Variants in WDR59 observed in about 807,000 individuals in gnomAD.
WDR59 encodes the protein GATOR2 complex protein WDR59.
A neutral mutation model predicts 131.2 loss-of-function variants in WDR59; 100 were observed. The ratio of observed to expected loss-of-function variants is 0.76; its 90% CI spans 0.65 to 0.90. The LOEUF is 0.90. Among genes scored for constraint, WDR59 ranks in the 40% least tolerant of loss-of-function variants. The probability of loss-of-function intolerance (pLI) is 0.00; values close to 1 mark genes in which losing one functional copy is unlikely to be tolerated. For missense variants in WDR59, 1,203 were observed against 1,262.2 expected, an observed-to-expected ratio of 0.95 and a Z score of 0.71; for synonymous variants, 601 against 466.2, an observed-to-expected ratio of 1.29 and a Z score of -3.72.
intron 8 of WDR59, among the ~76,000 whole-genome samples, chr16:74,924,428 C>A (rs1261782697): frequency 6.6e-6 from 1 of 152,092 alleles, no homozygotes; most frequent in Non-Finnish European, 1.5e-5. Flanking sequence ...TTTGTAACAA[C>A]CATATATGTT....
In WDR59 at chr16:74,904,117, T is replaced by C. The variant is rs1965689650; in HGVS notation, c.1713-17A>G. 1.2e-6 allele frequency: 2 copies of C among 1,608,246 alleles called. No homozygotes were observed. Among genetic ancestry groups the C allele is most frequent in the Non-Finnish European group, 1.7e-6 (2 of 1,177,188 alleles). On this transcript the variant is annotated splice_polypyrimidine_tract_variant and intron_variant, in intron 17 of 25. Coordinates refer to ENST00000262144, the MANE Select transcript of WDR59 (RefSeq NM_030581.4). ...GAGAGAGATCTGTAGTTGAAAATGA[T>C]AATTATCCACACTGGCTGCAGTCCT...
chr16:74,922,461 T>A (rs554728611), intron 9 of WDR59, among the ~76,000 whole-genome samples: 2 of 152,212 alleles, frequency 1.3e-5, no homozygotes, highest in Admixed American at 6.5e-5. Context: ...TTTCCCAGAA[T>A]GAGCATGCAG....
intron 11 of WDR59, among the ~76,000 whole-genome samples, chr16:74,917,681 C>T (rs977759184): frequency 3.3e-5 from 5 of 151,644 alleles, no homozygotes; most frequent in Middle Eastern, 3.4e-3. Flanking sequence ...TGTTGGTGGG[C>T]GCCTATAATC....
intron 14 of WDR59, among the ~76,000 whole-genome samples, chr16:74,911,822 G>A (rs1966108054): frequency 6.6e-6 from 1 of 152,140 alleles, no homozygotes. Context: ...AAATGAAATT[G>A]GATTGCAAAT....
intron 22 of WDR59, 47 bp downstream of exon 22, chr16:74,888,117 CAAAAA>C (rs35324656): frequency 9.1e-4 from 1,119 of 1,231,586 alleles, no homozygotes; most frequent in Admixed American, 2.7e-3. Flanking sequence ...AACTCCGTCT[CAAAAA>C]AAAAAAAAAA....
intron 7 of WDR59, among the ~76,000 whole-genome samples, chr16:74,942,487 G>A (rs1179042389): frequency 1.3e-5 from 2 of 152,136 alleles, no homozygotes; most frequent in African/African-American, 2.4e-5. Context: ...CTTACCTGGT[G>A]TCATAATTAG....
chr16:74,882,149 TAGC>T (rs1349426538), intron 25 of WDR59, among the ~76,000 whole-genome samples: 1 of 152,204 alleles, frequency 6.6e-6, no homozygotes, highest in Non-Finnish European at 1.5e-5. Flanking sequence ...CACTTTATAA[TAGC>T]AGATGTCAAT....
At chr16:74,876,956 G>A (rs1964244921) in intron 25 of WDR59, among the ~76,000 whole-genome samples, 1 of 152,022 alleles carries the variant, frequency 6.6e-6, no homozygotes, top group South Asian at 2.1e-4. Context: ...GGTCGCTAAT[G>A]GTTCCAGGTT....
chr16:74,911,952 G>C, intron 14 of WDR59: 11 of 548,898 alleles, frequency 2.0e-5, no homozygotes, highest in Non-Finnish European at 3.2e-5. Flanking sequence ...ATTTTTCTGA[G>C]GAAGGGTCCA....
At chr16:74,916,353 C>A (rs1966385727) in intron 11 of WDR59, 94 bp from the exon 12 acceptor site, 2 of 1,514,758 alleles carry the variant, frequency 1.3e-6, no homozygotes, top group Non-Finnish European at 1.8e-6. Flanking sequence ...ATGGGAAGGG[C>A]AAAGGATGGG....
intron 25 of WDR59, among the ~76,000 whole-genome samples, chr16:74,877,120 A>C (rs1029298690): frequency 2.6e-5 from 4 of 152,162 alleles, no homozygotes; most frequent in Admixed American, 2.6e-4. Context: ...GAAATGTTCC[A>C]GTTTTATTAA....
chr16:74,891,389 A>G (rs932783572), intron 20 of WDR59, among the ~76,000 whole-genome samples: 20 of 152,326 alleles, frequency 1.3e-4, no homozygotes, highest in East Asian at 9.6e-4. Flanking sequence ...TATTGTCGAA[A>G]AGGAGAAACT....
intron 20 of WDR59, among the ~76,000 whole-genome samples, chr16:74,890,238 C>T (rs1964972208): frequency 6.6e-6 from 1 of 152,202 alleles, no homozygotes; most frequent in South Asian, 2.1e-4. Context: ...GCCACCTCTG[C>T]CTCCTGGGTT....
intron 2 of WDR59, among the ~76,000 whole-genome samples, chr16:74,963,791 C>T (rs2033657827): frequency 6.6e-6 from 1 of 151,812 alleles, no homozygotes; most frequent in African/African-American, 2.4e-5. Context: ...TTCAAGAGGC[C>T]AAGGCAGAGG....
At position 74,923,687 on chromosome 16, in the gene WDR59, A is replaced by G. The variant is rs551761791; in HGVS notation, c.729+239T>C. Among the ~76,000 whole-genome samples, 30 of 152,172 alleles carry G rather than the reference A, an allele frequency of 2.0e-4. No individual in the cohort carries two copies. In the East Asian group the frequency reaches 3.9e-3, roughly 20 times the overall value. ...GAGACGGGGTTTCACCATGGCCAGG[A>G]TGGTCTCGAACTCCTGACCTCAGGG... On this transcript the variant is annotated intron_variant, in intron 9 of 25. Coordinates refer to ENST00000262144, the MANE Select transcript of WDR59 (RefSeq NM_030581.4).
intron 8 of WDR59, chr16:74,930,844 G>A (rs1386748011): frequency 7.8e-6 from 1 of 128,590 alleles, no homozygotes; most frequent in East Asian, 2.5e-4. Flanking sequence ...AGTGAGCTGA[G>A]ATTGTGCCAC....
At chr16:74,981,660 A>ATTTTTTTTTTTTTTTTTTTTTTT (rs1181233727) in intron 1 of WDR59, among the ~76,000 whole-genome samples, 4 of 80,864 alleles carry the variant, frequency 4.9e-5, no homozygotes, top group African/African-American at 2.9e-4. Context: ...ATATATATAT[A>ATTTTTTTTTTTTTTTTTTTTTTT]TTTTTTTTTT....
chr16:74,889,262 G>A (rs967264187), intron 21 of WDR59, among the ~76,000 whole-genome samples: 1 of 152,168 alleles, frequency 6.6e-6, no homozygotes, highest in African/African-American at 2.4e-5. Context: ...TAAACTGAAC[G>A]CAAAGGCAAT....
chr16:74,967,776 T>C (rs1156839226), intron 1 of WDR59, among the ~76,000 whole-genome samples: 1 of 151,214 alleles, frequency 6.6e-6, no homozygotes, highest in Non-Finnish European at 1.5e-5. Flanking sequence ...GGAGAATCAC[T>C]TGACCCCGGG....
Sources: allele counts gnomAD v4.1 joint callset (sites outside exome capture counted in the v4.1 genomes callset), GRCh38; gene constraint gnomAD v4.1.1; transcripts MANE v1.5; gene names NCBI Gene and HGNC (gene_info 2026-07-23, HGNC 2026-07-21).